The following GABRA3 variants were observed in gnomAD, a reference collection of about 807,000 sequenced individuals.
GABRA3 encodes gamma-aminobutyric acid type A receptor subunit alpha3.
A neutral mutation model predicts 30.1 loss-of-function variants in GABRA3; 10 were observed. The ratio of observed to expected loss-of-function variants is 0.33; its 90% confidence interval spans 0.20 to 0.56. The LOEUF is 0.56. Among genes scored for constraint, GABRA3 ranks in the 20% least tolerant of loss-of-function variants. The probability of loss-of-function intolerance (pLI) is 0.89; values close to 1 mark genes in which losing one functional copy is unlikely to be tolerated. For missense variants in GABRA3, 233 were observed against 392.0 expected, an observed-to-expected ratio of 0.59 and a Z score of 3.42; for synonymous variants, 151 against 146.8, an observed-to-expected ratio of 1.03 and a Z score of -0.21.
intron 1 of GABRA3, among the ~76,000 whole-genome samples, chrX:152,428,232 T>A (rs965944457): frequency 5.4e-5 from 6 of 111,868 alleles, no homozygotes; most frequent in African/African-American, 1.6e-4. Context: ...GTGCACTGAC[T>A]CATAGTCCCT....
chrX:152,284,274 G>A (rs1182289041), intron 4 of GABRA3, among the ~76,000 whole-genome samples: 1 of 111,502 alleles, frequency 9.0e-6, no homozygotes, highest in African/African-American at 3.3e-5. Context: ...CAGACTTCTT[G>A]GATGACACCA....
intron 1 of GABRA3, among the ~76,000 whole-genome samples, chrX:152,408,728 C>G (rs1260674570): frequency 9.4e-6 from 1 of 106,757 alleles, no homozygotes; most frequent in Non-Finnish European, 1.9e-5. Flanking sequence ...GTATATGGAA[C>G]CACAACCACC....
intron 1 of GABRA3, among the ~76,000 whole-genome samples, chrX:152,390,766 A>C (rs1447914722): frequency 8.9e-6 from 1 of 111,821 alleles, no homozygotes; most frequent in Non-Finnish European, 1.9e-5. Flanking sequence ...GATAACGATG[A>C]TGAGGATATT....
chrX:152,218,519 C>A (rs1252500134), intron 6 of GABRA3, among the ~76,000 whole-genome samples: 1 of 111,126 alleles, frequency 9.0e-6, no homozygotes, highest in Non-Finnish European at 1.9e-5. Context: ...CTGTGTTGAT[C>A]TGCCTAGATG....
intron 9 of GABRA3, chrX:152,186,870 G>T (rs190144291): frequency 9.0e-6 from 1 of 111,177 alleles, no homozygotes; most frequent in South Asian, 3.8e-4. Flanking sequence ...CAGTCTGCCC[G>T]CTTCGTGAGC....
intron 5 of GABRA3, among the ~76,000 whole-genome samples, chrX:152,254,617 T>C (rs1938608216): frequency 9.0e-6 from 1 of 111,514 alleles, no homozygotes; most frequent in Non-Finnish European, 1.9e-5. Context: ...CTCTGAAGTA[T>C]TATCCTTTTT....
At position 152,199,382 on chromosome X, in the gene GABRA3, A is replaced by T. The variant is rs184222416; in HGVS notation, c.779-1597T>A. Among the ~76,000 whole-genome samples, 265 of 109,094 alleles carry T rather than the reference A, an allele frequency of 2.4e-3. 3 individuals are homozygous for T. The Middle Eastern group carries it at 0.06, about 25-fold the overall frequency. The allele number at this position is 109,094 out of a possible 115,157, so 94.7% of individuals were successfully genotyped here. ...TCTGTCTCAAAAAAAAAAAAATAAA[A>T]AAAGCAAAAAACAAGCAGAGGTTGG... is the stretch of plus-strand genomic sequence containing the variant. On this transcript the variant is annotated intron_variant, in intron 7 of 9. Coordinates refer to ENST00000370314, the MANE Select transcript of GABRA3 (RefSeq NM_000808.4).
At chrX:152,286,389 C>G (rs893214212) in intron 3 of GABRA3, among the ~76,000 whole-genome samples, 5 of 109,867 alleles carry the variant, frequency 4.6e-5, no homozygotes, top group Non-Finnish European at 7.6e-5. Flanking sequence ...CCAGACACCT[C>G]AAGATTACAG....
chrX:152,436,160 GA>G (rs1368963321), intron 1 of GABRA3, among the ~76,000 whole-genome samples: 1 of 111,746 alleles, frequency 8.9e-6, no homozygotes, highest in African/African-American at 3.3e-5. Context: ...AGGAGAAAGG[GA>G]AAAGCTGGCT....
chrX:152,354,349 A>T (rs1209092548), intron 2 of GABRA3, among the ~76,000 whole-genome samples: 2 of 111,726 alleles, frequency 1.8e-5, no homozygotes, highest in African/African-American at 6.5e-5. Flanking sequence ...TAAGGATTAT[A>T]TTAATCAACA....
At chrX:152,176,861 T>C (rs760730276) in intron 9 of GABRA3, among the ~76,000 whole-genome samples, 3 of 110,974 alleles carry the variant, frequency 2.7e-5, no homozygotes, top group South Asian at 3.8e-4. Context: ...GAGAAGTGAG[T>C]ACAGATTCAG....
intron 9 of GABRA3, among the ~76,000 whole-genome samples, chrX:152,187,953 C>T (rs943459786): frequency 9.0e-6 from 1 of 111,730 alleles, no homozygotes; most frequent in African/African-American, 3.3e-5. Context: ...TGTACAATAG[C>T]TCAACTATTA....
intron 1 of GABRA3, among the ~76,000 whole-genome samples, chrX:152,397,825 T>C (rs998172574): frequency 9.0e-6 from 1 of 111,585 alleles, no homozygotes; most frequent in African/African-American, 3.3e-5. Context: ...AACCACCTTA[T>C]CGAGCTGTCG....
At chrX:152,181,810 T>G (rs776222524) in intron 9 of GABRA3, among the ~76,000 whole-genome samples, 23 of 98,016 alleles carry the variant, frequency 2.3e-4, no homozygotes, top group Admixed American at 2.3e-3. Context: ...ACCCTAAAAT[T>G]TAAAGTATAA....
chrX:152,271,549 C>G (rs1415388847), intron 4 of GABRA3, among the ~76,000 whole-genome samples: 2 of 111,891 alleles, frequency 1.8e-5, no homozygotes, highest in African/African-American at 6.5e-5. Flanking sequence ...AAACGTTCAG[C>G]CTGAAAATGT....
chrX:152,228,645 C>T (rs182986350), intron 5 of GABRA3, among the ~76,000 whole-genome samples: 76 of 111,714 alleles, frequency 6.8e-4, no homozygotes, highest in Non-Finnish European at 1.3e-3. Context: ...CAGTGAAATA[C>T]GTTTCTCTTG....
chrX:152,231,416 T>A (rs756171205), intron 5 of GABRA3, among the ~76,000 whole-genome samples: 1 of 110,321 alleles, frequency 9.1e-6, no homozygotes, highest in Non-Finnish European at 1.9e-5. Context: ...TGAAAAGATG[T>A]TCGACATTAG....
chrX:152,413,508 C>T (rs1930127260), intron 1 of GABRA3, among the ~76,000 whole-genome samples: 1 of 111,499 alleles, frequency 9.0e-6, no homozygotes, highest in Non-Finnish European at 1.9e-5. Context: ...GTCGGTTGAA[C>T]ATTTGACAAT....
intron 1 of GABRA3, among the ~76,000 whole-genome samples, chrX:152,423,756 T>C (rs185990390): frequency 7.2e-5 from 8 of 111,150 alleles, no homozygotes; most frequent in African/African-American, 2.6e-4. Context: ...GAATCAGTAA[T>C]TAAAACATCA....
Sources: gnomAD v4.1 joint callset for allele counts (sites outside exome capture counted in the v4.1 genomes callset) on GRCh38, gnomAD v4.1.1 for gene constraint, MANE v1.5 for transcripts, NCBI Gene and HGNC (gene_info 2026-07-23, HGNC 2026-07-21) for gene names.